The following FRMPD4 variants were observed in gnomAD, a reference collection of about 807,000 sequenced individuals.
FRMPD4 encodes the protein FERM and PDZ domain containing 4, also known as FERM and PDZ domain-containing protein 4.
Under a neutral mutation model 94.1 loss-of-function variants are expected in FRMPD4, and 22 were observed. That is an observed-to-expected ratio of 0.23 (90% CI 0.17 to 0.33). The LOEUF (loss-of-function observed/expected upper bound fraction) is 0.33, where lower values mean the gene tolerates loss of function less well. FRMPD4 is among the 10% of genes least tolerant of loss of function. The pLI, the probability that FRMPD4 is intolerant of heterozygous loss-of-function variation, is 1.00. For missense variants in FRMPD4, 1,111 were observed against 1,339.9 expected, an observed-to-expected ratio of 0.83 and a Z score of 2.67; for synonymous variants, 631 against 548.6, an observed-to-expected ratio of 1.15 and a Z score of -2.10.
intron 3 of FRMPD4, among the ~76,000 whole-genome samples, chrX:11,906,505 GT>G (rs1374398728): frequency 9.0e-6 from 1 of 111,636 alleles, no homozygotes; most frequent in Non-Finnish European, 1.9e-5. Flanking sequence ...TTGGCTGACA[GT>G]TTTTTTGTGG....
At chrX:11,925,988 T>C (rs1468151329) in intron 3 of FRMPD4, among the ~76,000 whole-genome samples, 1 of 110,429 alleles carries the variant, frequency 9.1e-6, no homozygotes, top group Non-Finnish European at 1.9e-5. Flanking sequence ...AATAGACTGC[T>C]AGCTAGACTA....
intron 1 of FRMPD4, among the ~76,000 whole-genome samples, chrX:12,489,017 A>G (rs987269817): frequency 8.9e-6 from 1 of 111,887 alleles, no homozygotes; most frequent in African/African-American, 3.2e-5. Flanking sequence ...GGTGGAGTTG[A>G]ATAGTTGGTA....
intron 1 of FRMPD4, among the ~76,000 whole-genome samples, chrX:12,376,023 C>T (rs1260941394): frequency 8.9e-6 from 1 of 111,908 alleles, no homozygotes; most frequent in Non-Finnish European, 1.9e-5. Flanking sequence ...GAACATGAGC[C>T]CCATCTGCTC....
At chrX:12,112,753 G>A (rs1454093357) in intron 3 of FRMPD4, among the ~76,000 whole-genome samples, 3 of 110,613 alleles carry the variant, frequency 2.7e-5, no homozygotes, top group Admixed American at 9.6e-5. Flanking sequence ...CGATCCAGTG[G>A]TAGCTATGAT....
intron 2 of FRMPD4, among the ~76,000 whole-genome samples, chrX:11,867,990 G>A (rs770488170): frequency 3.5e-4 from 39 of 111,320 alleles, no homozygotes; most frequent in Non-Finnish European, 2.1e-4. Flanking sequence ...CTCTCTTTCC[G>A]CAGCCCCTAC....
intron 2 of FRMPD4, among the ~76,000 whole-genome samples, chrX:12,585,315 G>A (rs1275134571): frequency 9.1e-6 from 1 of 109,452 alleles, no homozygotes; most frequent in African/African-American, 3.4e-5. Context: ...CTGCCTCCCA[G>A]GTTCAAGCAA....
At chrX:12,049,280 C>G (rs753768275) in intron 3 of FRMPD4, among the ~76,000 whole-genome samples, 3 of 111,235 alleles carry the variant, frequency 2.7e-5, no homozygotes, top group Non-Finnish European at 3.8e-5. Context: ...TGATTTGGCT[C>G]TCAGTGTGAA....
intron 1 of FRMPD4, among the ~76,000 whole-genome samples, chrX:12,269,398 A>G (rs1309949233): frequency 9.0e-6 from 1 of 111,439 alleles, no homozygotes; most frequent in African/African-American, 3.3e-5. Flanking sequence ...CCTTCCAATG[A>G]TAGGCTCTGT....
At chrX:12,036,018 A>G (rs1253853492) in intron 3 of FRMPD4, among the ~76,000 whole-genome samples, 1 of 112,357 alleles carries the variant, frequency 8.9e-6, no homozygotes, top group Non-Finnish European at 1.9e-5. Flanking sequence ...ATGTAATAGA[A>G]GTAAATTATA....
chrX:12,358,680 A>G (rs1486116602), intron 1 of FRMPD4, among the ~76,000 whole-genome samples: 4 of 111,946 alleles, frequency 3.6e-5, no homozygotes, highest in Non-Finnish European at 7.5e-5. Flanking sequence ...AAAAGTCATT[A>G]CTTACCATGA....
At chrX:12,331,599 A>T (rs1298614088) in intron 1 of FRMPD4, among the ~76,000 whole-genome samples, 14 of 85,426 alleles carry the variant, frequency 1.6e-4, no homozygotes, top group African/African-American at 5.6e-4. Context: ...AATCATATAT[A>T]TATATAATAT....
intron 1 of FRMPD4, among the ~76,000 whole-genome samples, chrX:12,449,680 T>C (rs2057241221): frequency 8.9e-6 from 1 of 111,940 alleles, no homozygotes; most frequent in African/African-American, 3.2e-5. Flanking sequence ...TCACTACTCA[T>C]GATATCCTTA....
intron 1 of FRMPD4, among the ~76,000 whole-genome samples, chrX:12,216,751 T>A (rs1257160857): frequency 2.7e-5 from 3 of 112,246 alleles, no homozygotes; most frequent in Non-Finnish European, 5.6e-5. Context: ...TTCATCTTAC[T>A]GTTTTCTCAT....
chrX:12,679,451 G>A (rs932573791), intron 5 of FRMPD4, among the ~76,000 whole-genome samples: 32 of 111,574 alleles, frequency 2.9e-4, no homozygotes, highest in African/African-American at 9.5e-4. Context: ...GCCTTTATCG[G>A]GGGTCAGGGT....
intron 3 of FRMPD4, among the ~76,000 whole-genome samples, chrX:12,092,394 A>G (rs184526251): frequency 1.2e-4 from 13 of 112,312 alleles, no homozygotes; most frequent in South Asian, 3.7e-4. Context: ...AATAAGGTCA[A>G]TGGTCAACCC....
At chrX:11,849,197 A>T (rs1010196128) in intron 1 of FRMPD4, among the ~76,000 whole-genome samples, 38 of 111,897 alleles carry the variant, frequency 3.4e-4, no homozygotes, top group African/African-American at 1.2e-3. Flanking sequence ...AAATAATTTC[A>T]TTTACAATAG....
At chrX:12,386,478 G>A (rs2032674773) in intron 1 of FRMPD4, among the ~76,000 whole-genome samples, 1 of 112,072 alleles carries the variant, frequency 8.9e-6, no homozygotes, top group Non-Finnish European at 1.9e-5. Flanking sequence ...GCATTCTGGG[G>A]TCTATCTAAC....
rs139522670 is a variant in FRMPD4 at position 12,035,333 on chromosome X, A to G, written c.95+157315A>G. 7.3e-3 allele frequency among the ~76,000 whole-genome samples: 815 copies of G among 111,515 alleles called. 5 individuals carry two copies. Among genetic ancestry groups the G allele is most frequent in the African/African-American group, 0.026 (786 of 30,672 alleles). On this transcript the variant is annotated intron_variant, in intron 3 of 18. Coordinates refer to the FRMPD4 transcript ENST00000640291. ...CCACAAAGTTGGTACCGTGAGCTCT[A>G]ATTCAAGATCAGTAAATGGATTTTC... is the stretch of plus-strand genomic sequence containing the variant.
At position 12,685,623 on chromosome X, in the gene FRMPD4, G is replaced by A. The variant is rs146275746; in HGVS notation, c.574-474G>A. ...TTGCAACATTTAATAGAGTTCCCTT[G>A]GAGTTTAAGACTCATTCCTAACTGG... is the stretch of plus-strand genomic sequence containing the variant. On this transcript the variant is annotated intron_variant, in intron 6 of 16. Coordinates refer to ENST00000675598, the MANE Select transcript of FRMPD4 (RefSeq NM_001368397.1). 6.3e-3 allele frequency among the ~76,000 whole-genome samples: 700 copies of A among 110,499 alleles called. 4 individuals carry two copies. The highest frequency in any genetic ancestry group is 0.021 in the African/African-American group (628 of 30,319).
Sources: gnomAD v4.1 joint callset for allele counts (sites outside exome capture counted in the v4.1 genomes callset) on GRCh38, gnomAD v4.1.1 for gene constraint, MANE v1.5 for transcripts, NCBI Gene and HGNC (gene_info 2026-07-23, HGNC 2026-07-21) for gene names.